Variants in XIRP2 observed in about 807,000 individuals in gnomAD.
XIRP2 encodes the protein xin actin-binding repeat-containing protein 2.
In XIRP2, 236 loss-of-function variants were observed where a neutral mutation model predicts 277.0. That is an observed-to-expected ratio of 0.85 (90% CI 0.77 to 0.95). The LOEUF (loss-of-function observed/expected upper bound fraction) is 0.95, where lower values mean the gene tolerates loss of function less well. Ranked by LOEUF, XIRP2 falls within the 40% of genes least tolerant of loss-of-function variation. The pLI is 0.00. For missense variants in XIRP2, 4,640 were observed against 4,157.5 expected, an observed-to-expected ratio of 1.12 and a Z score of -3.19; for synonymous variants, 1,490 against 1,416.5, an observed-to-expected ratio of 1.05 and a Z score of -1.17.
chr2:167,106,550 G>A (rs1187252732), intron 2 of XIRP2, among the ~76,000 whole-genome samples: 1 of 151,416 alleles, frequency 6.6e-6, no homozygotes, highest in Non-Finnish European at 1.5e-5. Flanking sequence ...ATGTCTATCT[G>A]CTAATTCCCC....
At chr2:167,069,365 G>A (rs1166423567) in intron 2 of XIRP2, among the ~76,000 whole-genome samples, 3 of 152,068 alleles carry the variant, frequency 2.0e-5, no homozygotes. Context: ...ATATAAGCAG[G>A]GACTGTGCTG....
Position 167,112,670 on chromosome 2 carries a change from G to A in XIRP2, c.409-23239G>A, listed in dbSNP as rs1690792999. Among the ~76,000 whole-genome samples the A allele has an allele frequency of 4.7e-5, 7 of 150,332 alleles. 1 individual carries two copies. In the South Asian group the frequency reaches 1.3e-3, roughly 27 times the overall value. On this transcript the variant is annotated intron_variant, in intron 2 of 10. Coordinates refer to ENST00000409195, the MANE Select transcript of XIRP2 (RefSeq NM_152381.6). Reference sequence around the variant, plus strand: ...AGAGATTTTTTATATATGTATATTTGAAACAGAGTTTCACTCTGTTGCCCA... The same window carrying A: ...AGAGATTTTTTATATATGTATATTTAAAACAGAGTTTCACTCTGTTGCCCA...
chr2:167,121,169 A>G (rs1389936834), intron 2 of XIRP2, among the ~76,000 whole-genome samples: 2 of 152,216 alleles, frequency 1.3e-5, no homozygotes, highest in South Asian at 2.1e-4. Context: ...GCAACTCAAC[A>G]TAACTATGTG....
chr2:167,207,494 G>T (rs1192973270), intron 3 of XIRP2, among the ~76,000 whole-genome samples: 1 of 152,156 alleles, frequency 6.6e-6, no homozygotes, highest in Non-Finnish European at 1.5e-5. Flanking sequence ...GGTCAAGAAA[G>T]GAAGAGTGTT....
intron 2 of XIRP2, among the ~76,000 whole-genome samples, chr2:167,005,363 G>A (rs775464559): frequency 2.0e-5 from 3 of 151,734 alleles, no homozygotes; most frequent in Non-Finnish European, 4.4e-5. Context: ...GTGAATCATG[G>A]GCTGTACCAG....
At chr2:166,897,284 C>T (rs1684268916) in intron 1 of XIRP2, among the ~76,000 whole-genome samples, 2 of 152,164 alleles carry the variant, frequency 1.3e-5, no homozygotes, top group Non-Finnish European at 2.9e-5. Context: ...AAGACTAGCA[C>T]TCAGTGGCCC....
chr2:167,103,575 A>T (rs757756808), intron 2 of XIRP2, among the ~76,000 whole-genome samples: 1 of 152,158 alleles, frequency 6.6e-6, no homozygotes, highest in Non-Finnish European at 1.5e-5. Flanking sequence ...GACTTAACCA[A>T]TCTGCGGCAA....
At chr2:166,927,093 C>T (rs1397702) in intron 2 of XIRP2, among the ~76,000 whole-genome samples, 9,442 of 152,106 alleles carry the variant, frequency 0.062, 362 homozygotes, top group Middle Eastern at 0.13. Context: ...AGTAGGAAAA[C>T]TAGCTAGTAT....
At chr2:167,132,023 C>G (rs576456393) in intron 2 of XIRP2, among the ~76,000 whole-genome samples, 1 of 152,242 alleles carries the variant, frequency 6.6e-6, no homozygotes, top group South Asian at 2.1e-4. Flanking sequence ...CTCCCCTCCT[C>G]TCTCTATCCT....
chr2:167,105,752 A>G (rs1366050984), intron 2 of XIRP2, among the ~76,000 whole-genome samples: 2 of 151,852 alleles, frequency 1.3e-5, no homozygotes, highest in African/African-American at 4.8e-5. Context: ...TTTCCAGAGT[A>G]CATGTACCAT....
intron 2 of XIRP2, among the ~76,000 whole-genome samples, chr2:167,133,995 C>A (rs1691461049): frequency 6.6e-6 from 1 of 151,964 alleles, no homozygotes; most frequent in South Asian, 2.1e-4. Context: ...CTATTTTTCT[C>A]CTGCAATTGT....
chr2:167,156,361 T>A (rs1692196457), intron 3 of XIRP2, among the ~76,000 whole-genome samples: 1 of 152,198 alleles, frequency 6.6e-6, no homozygotes, highest in South Asian at 2.1e-4. Context: ...TTACCTGCAA[T>A]ACTGCATGAA....
chr2:167,182,459 T>C (rs1693043850), intron 3 of XIRP2, among the ~76,000 whole-genome samples: 1 of 152,162 alleles, frequency 6.6e-6, no homozygotes, highest in South Asian at 2.1e-4. Flanking sequence ...AGCCTACCTA[T>C]TGCAGGCCTA....
intron 2 of XIRP2, among the ~76,000 whole-genome samples, chr2:167,115,708 A>G (rs1690878952): frequency 6.6e-6 from 1 of 152,138 alleles, no homozygotes; most frequent in African/African-American, 2.4e-5. Context: ...TAGGGACCAC[A>G]GTTGGCAGTC....
chr2:167,238,306 T>A (rs1694958982), intron 5 of XIRP2, among the ~76,000 whole-genome samples: 1 of 152,166 alleles, frequency 6.6e-6, no homozygotes, highest in East Asian at 1.9e-4. Context: ...AAAATTACAG[T>A]GGTCTTCAAT....
chr2:167,098,673 A>G lies in XIRP2; in HGVS notation c.409-37236A>G, dbSNP rs576254351. On this transcript the variant is annotated intron_variant, in intron 2 of 10. Transcript: ENST00000409195. ...TTTGCATGGGCTTTTCCTCATCTTC[A>G]TGGATTTATGTACCTTTGCTCTTTG... Among the ~76,000 whole-genome samples, 12 of 152,234 alleles carry G rather than the reference A, an allele frequency of 7.9e-5. 1 individual carries two copies. In the South Asian group the frequency reaches 2.5e-3, roughly 32 times the overall value.
At chr2:167,172,716 T>C (rs112282731) in intron 3 of XIRP2, among the ~76,000 whole-genome samples, 15,013 of 152,264 alleles carry the variant, frequency 0.099, 787 homozygotes, top group South Asian at 0.15. Flanking sequence ...TCCCTTATTC[T>C]CTGAACATCA....
chr2:167,103,867 T>A (rs1424466558), intron 2 of XIRP2, among the ~76,000 whole-genome samples: 1 of 152,134 alleles, frequency 6.6e-6, no homozygotes, highest in Non-Finnish European at 1.5e-5. Flanking sequence ...TAAATGTAGC[T>A]ACCCTTATCA....
At position 167,251,795 on chromosome 2, in the gene XIRP2, A is replaced by G; in HGVS notation, c.10403A>G (p.Asp3468Gly). ...YEDVIAGHIL[D>G]ISDSPKEVRK... ...GATGTCATTGCTGGACATATTTTAG[A>G]TATCTCTGATTCACCTAAAGAAGTA... is the stretch of plus-strand genomic sequence containing the variant. The change falls in exon 9 of 11, where the codon GAT becomes GGT. Residue 3468 changes from aspartate to glycine, a missense_variant. Transcript: ENST00000409195. 1 of 1,613,422 alleles carries G rather than the reference A, an allele frequency of 6.2e-7. No homozygotes were observed. The highest frequency in any genetic ancestry group is 1.1e-5 in the South Asian group (1 of 91,060).
Sources: gnomAD v4.1 joint callset for allele counts (sites outside exome capture counted in the v4.1 genomes callset) on GRCh38, gnomAD v4.1.1 for gene constraint, MANE v1.5 for transcripts, NCBI Gene and HGNC (gene_info 2026-07-23, HGNC 2026-07-21) for gene names.